Variants in NCKAP1L observed in about 807,000 individuals in gnomAD.
NCKAP1L encodes nck-associated protein 1-like.
In NCKAP1L, 53 loss-of-function variants were observed where a neutral mutation model predicts 139.2. The ratio of observed to expected loss-of-function variants is 0.38; its 90% CI spans 0.31 to 0.48. The LOEUF is 0.48. NCKAP1L is among the 20% of genes least tolerant of loss of function. The pLI is 0.98. For missense variants in NCKAP1L, 1,151 were observed against 1,381.9 expected (o/e 0.83, Z 2.65); for synonymous variants, 468 against 499.7 (o/e 0.94, Z 0.85).
In NCKAP1L at chr12:54,526,702, G is replaced by T; in HGVS notation, c.2331G>T (p.Leu777=). ...CCCTCCTGCAGCAGACACAACCACT[G>T]GATTCCTGTGGGGAACAGACAATCA... ...RNALLQQTQP[L]DSCGEQTITT... is the part of the protein sequence containing the mutation. Residue 777 remains leucine, a synonymous_variant, in exon 21 of 31, where the codon CTG becomes CTT. Coordinates refer to ENST00000293373, the MANE Select transcript of NCKAP1L (RefSeq NM_005337.5). 6.2e-7 allele frequency: 1 copy of T among 1,614,074 alleles called. No homozygotes were observed. Among genetic ancestry groups the T allele is most frequent in the Non-Finnish European group, 8.5e-7 (1 of 1,179,996 alleles).
At position 54,544,083 on chromosome 12, in the gene NCKAP1L, T is replaced by G. The variant is rs1268717534; in HGVS notation, c.*1398T>G. 3 of 152,230 alleles carry G rather than the reference T, an allele frequency of 2.0e-5. No individual in the cohort carries two copies. Among genetic ancestry groups the G allele is most frequent in the African/African-American group, 7.2e-5 (3 of 41,466 alleles). The allele number at this position is 152,230 out of a possible 1,614,324, so 9.4% of individuals were successfully genotyped here. A position where few individuals can be genotyped will look rare whatever the true frequency, so the allele number is the denominator to read the frequency against. ...TACTTTCTTAACTTGGCACCCATAA[T>G]CAACATACAGATTTTTCTTAGCAAC... On this transcript the variant is annotated 3_prime_UTR_variant, in exon 31 of 31. Coordinates refer to ENST00000293373, the MANE Select transcript of NCKAP1L (RefSeq NM_005337.5).
At chr12:54,503,484 A>C (rs1054317319) in intron 3 of NCKAP1L, among the ~76,000 whole-genome samples, 2 of 152,108 alleles carry the variant, frequency 1.3e-5, no homozygotes, top group Non-Finnish European at 2.9e-5. Flanking sequence ...AATATACTCC[A>C]TTGCATTATT....
chr12:54,511,732 C>A, intron 7 of NCKAP1L, 71 bp from the exon 8 acceptor site: 1 of 1,538,836 alleles, frequency 6.5e-7, no homozygotes, highest in Non-Finnish European at 8.9e-7. Context: ...TACTCAGATC[C>A]TAGTTTGTCC....
At chr12:54,536,878 C>G in intron 28 of NCKAP1L, 66 bp from the exon 29 acceptor site, 1 of 1,095,694 alleles carries the variant, frequency 9.1e-7, no homozygotes, top group Non-Finnish European at 1.4e-6. Context: ...TAGTTTGGGT[C>G]ATCCTGGAGT....
At chr12:54,503,731 T>A (rs923226244) in intron 3 of NCKAP1L, among the ~76,000 whole-genome samples, 3 of 151,746 alleles carry the variant, frequency 2.0e-5, no homozygotes, top group Admixed American at 6.6e-5. Flanking sequence ...CCTCCGCCTT[T>A]GGGTTAAAGC....
intron 26 of NCKAP1L, among the ~76,000 whole-genome samples, chr12:54,532,538 G>T (rs1399844585): frequency 6.6e-6 from 1 of 152,130 alleles, no homozygotes; most frequent in Non-Finnish European, 1.5e-5. Context: ...GTTTTCACCT[G>T]ATATGAGCAC....
chr12:54,526,391 T>A, intron 20 of NCKAP1L, 137 bp from the exon 21 acceptor site: 1 of 661,356 alleles, frequency 1.5e-6, no homozygotes, highest in Admixed American at 2.5e-5. Flanking sequence ...GCTTATTAGG[T>A]TACTATGAGG....
intron 18 of NCKAP1L, 71 bp downstream of exon 18, chr12:54,521,309 G>A: frequency 6.3e-7 from 1 of 1,582,602 alleles, no homozygotes; most frequent in Non-Finnish European, 8.6e-7. Flanking sequence ...ATCTAACTTT[G>A]TTTCCCTCTC....
rs879929528 is a variant in NCKAP1L, at chr12:54,545,249, C to T, written c.*2564C>T. 2.0e-5 allele frequency: 3 copies of T among 152,196 alleles called. No homozygotes were observed. Among genetic ancestry groups the T allele is most frequent in the Admixed American group, 6.5e-5 (1 of 15,274 alleles). 9.4% of individuals were successfully genotyped at this position (152,196 alleles called of 1,614,324 possible). A position where few individuals can be genotyped will look rare whatever the true frequency, so the allele number is the denominator to read the frequency against. Reference sequence around the variant, plus strand: ...ATACTTTTTCAAAGTGCTTTCACATCCTTATAGCAATTCTGCAAGGTAGCC... The same window carrying T: ...ATACTTTTTCAAAGTGCTTTCACATTCTTATAGCAATTCTGCAAGGTAGCC... On this transcript the variant is annotated 3_prime_UTR_variant, in exon 31 of 31. Transcript: ENST00000293373.
rs748537710 is a variant in NCKAP1L at position 54,531,382 on chromosome 12, G to A, written c.2604+25G>A. 6.8e-6 allele frequency: 11 copies of A among 1,612,224 alleles called. No homozygotes were observed. In the Middle Eastern group the frequency reaches 1.2e-3, roughly 169 times the overall value. On this transcript the variant is annotated intron_variant, in intron 23 of 30. Transcript: ENST00000293373. ...GGTACTATGGAAACAATCCCTTGGG[G>A]AAAAGATCCTACCTTGAGGAAAGAG...
Position 54,519,173 on chromosome 12 carries a change from A to G in NCKAP1L, c.1480-14A>G. 6.4e-7 allele frequency: 1 copy of G among 1,554,768 alleles called. No homozygotes were observed. The highest frequency in any genetic ancestry group is 8.6e-7 in the Non-Finnish European group (1 of 1,156,798). ...ATCTTATTTTTCTCCACACTTTCCC[A>G]ACTCCAACCGCAGGCATACACTAGC... On this transcript the variant is annotated splice_polypyrimidine_tract_variant and intron_variant, in intron 15 of 30. Transcript: ENST00000293373.
Position 54,526,578 on chromosome 12 carries a change from G to A in NCKAP1L, c.2207G>A (p.Arg736Gln), listed in dbSNP as rs758716992. The A allele has an allele frequency of 1.9e-5, 31 of 1,613,808 alleles. No individual in the cohort carries two copies. In the African/African-American group the frequency reaches 2.9e-4, roughly 15 times the overall value. Residue 736 changes from arginine to glutamine, a missense_variant, in exon 21 of 31, where the codon CGG becomes CAG. Physicochemically the swap from Arg to Gln is conservative, Grantham distance 43. Coordinates refer to ENST00000293373, the MANE Select transcript of NCKAP1L (RefSeq NM_005337.5). Reference sequence around the variant, plus strand: ...AATGCCACGACCCAGGAGATCGTACGGCCTTCTGAGCTGTTGGCAGGAGTC... The same window carrying A: ...AATGCCACGACCCAGGAGATCGTACAGCCTTCTGAGCTGTTGGCAGGAGTC... Reference protein sequence around the residue: ...GYNATTQEIVRPSELLAGVKA... With the variant: ...GYNATTQEIVQPSELLAGVKA...
At chr12:54,517,411 A>G in intron 11 of NCKAP1L, 122 bp from the exon 12 acceptor site, 1 of 698,120 alleles carries the variant, frequency 1.4e-6, no homozygotes, top group Non-Finnish European at 2.5e-6. Context: ...CTGAATGTTT[A>G]TTATTCACAC....
intron 19 of NCKAP1L, 51 bp from the exon 20 acceptor site, chr12:54,523,774 A>G (rs1034620463): frequency 6.3e-7 from 1 of 1,586,008 alleles, no homozygotes. Flanking sequence ...TCCTTCCTAG[A>G]CATTAGCAGG....
chr12:54,517,521 C>T lies in NCKAP1L; in HGVS notation c.1096-12C>T. 2 of 1,585,624 alleles carry T rather than the reference C, an allele frequency of 1.3e-6. No individual in the cohort carries two copies. The highest frequency in any genetic ancestry group is 1.3e-5 in the African/African-American group (1 of 74,408). On this transcript the variant is annotated splice_polypyrimidine_tract_variant and intron_variant, in intron 11 of 30. Transcript: ENST00000293373. ...AAGTTGAAAATTCTAATAGTCTCTA[C>T]CCCCTCCATAGGCTCTTTTTGCTTT... is the stretch of plus-strand genomic sequence containing the variant.
chr12:54,521,066 G>A (rs992713310), intron 17 of NCKAP1L, 53 bp from the exon 18 acceptor site: 43 of 1,610,564 alleles, frequency 2.7e-5, no homozygotes, highest in Non-Finnish European at 3.5e-5. Context: ...TTGTGAGGAA[G>A]AAGTGGCCGT....
At chr12:54,514,150 A>G (rs752571016) in intron 9 of NCKAP1L, among the ~76,000 whole-genome samples, 3 of 152,196 alleles carry the variant, frequency 2.0e-5, no homozygotes, top group Non-Finnish European at 4.4e-5. Flanking sequence ...ATAGAGACTT[A>G]TTATTTTTAA....
Position 54,522,419 on chromosome 12 carries a change from C to T in NCKAP1L, c.1879-975C>T, listed in dbSNP as rs545099515. On this transcript the variant is annotated intron_variant, in intron 18 of 30. Transcript: ENST00000293373. ...ACTAAAACATGATGCGAATAATTTT[C>T]ACACATACAGAACTTTCGCAACCAA... Among the ~76,000 whole-genome samples, 14 of 152,324 alleles carry T rather than the reference C, an allele frequency of 9.2e-5. No homozygotes were observed. In the South Asian group the frequency reaches 2.9e-3, roughly 32 times the overall value.
At chr12:54,517,056 G>A (rs776798293) in intron 11 of NCKAP1L, 64 bp downstream of exon 11, 455 of 1,361,272 alleles carry the variant, frequency 3.3e-4, no homozygotes, top group Non-Finnish European at 4.4e-4. Flanking sequence ...TAGCTACGTG[G>A]CACTCACGAG....
Sources: gnomAD v4.1 joint callset for allele counts (sites outside exome capture counted in the v4.1 genomes callset) on GRCh38, gnomAD v4.1.1 for gene constraint, MANE v1.5 for transcripts, NCBI Gene and HGNC (gene_info 2026-07-23, HGNC 2026-07-21) for gene names.